CACNA2D3: variants seen among roughly 807,000 people sequenced by gnomAD.
The protein encoded by CACNA2D3 is calcium voltage-gated channel auxiliary subunit alpha2delta 3.
Under a neutral mutation model 160.6 loss-of-function variants are expected in CACNA2D3, and 60 were observed. The ratio of observed to expected loss-of-function variants is 0.37; its 90% CI spans 0.30 to 0.46. CACNA2D3 has a LOEUF of 0.46. Among genes scored for constraint, CACNA2D3 ranks in the 20% least tolerant of loss-of-function variants. CACNA2D3 has a pLI of 1.00. For missense variants in CACNA2D3, 1,205 were observed against 1,365.0 expected, an observed-to-expected ratio of 0.88 and a Z score of 1.85; for synonymous variants, 558 against 492.9, an observed-to-expected ratio of 1.13 and a Z score of -1.75.
At chr3:54,459,781 A>C (rs1383572148) in intron 4 of CACNA2D3, among the ~76,000 whole-genome samples, 2 of 152,096 alleles carry the variant, frequency 1.3e-5, no homozygotes, top group East Asian at 3.9e-4. Context: ...GTTTAATTGT[A>C]TCCCATTTGT....
chr3:54,521,436 G>C (rs1701644864), intron 5 of CACNA2D3, among the ~76,000 whole-genome samples: 1 of 97,692 alleles, frequency 1.0e-5, no homozygotes, highest in South Asian at 3.4e-4. Flanking sequence ...ATGTATTCCA[G>C]ATACAAGTCC....
chr3:55,033,588 A>ATATG (rs1703725091), intron 35 of CACNA2D3, among the ~76,000 whole-genome samples: 1 of 71,504 alleles, frequency 1.4e-5, no homozygotes, highest in South Asian at 3.7e-4. Context: ...GTGTGTGTAT[A>ATATG]TATATATATA....
rs1559521738 is a variant in CACNA2D3 at position 54,595,327 on chromosome 3, T to TGG, written c.963+13451_963+13452insGG. Among the ~76,000 whole-genome samples, 730 of 144,602 alleles carry TGG rather than the reference T, an allele frequency of 5.0e-3. 5 individuals are homozygous for TGG. In the Middle Eastern group the frequency reaches 0.056, roughly 11 times the overall value. 94.9% of individuals were successfully genotyped at this position (144,602 alleles called of 152,430 possible). On this transcript the variant is annotated intron_variant, in intron 9 of 37. Coordinates refer to ENST00000474759, the MANE Select transcript of CACNA2D3 (RefSeq NM_018398.3). Reference sequence around the variant, plus strand: ...TCTGTGTGTGTGGTGTGTGTGTGTGTGTGTGTGTGTGTGTGTGTGTGTGTG... The same window carrying TGG: ...TCTGTGTGTGTGGTGTGTGTGTGTGTGGGTGTGTGTGTGTGTGTGTGTGTGTG...
Position 54,183,414 on chromosome 3 carries a change from T to C in CACNA2D3, c.204+59820T>C, listed in dbSNP as rs184320962. Among the ~76,000 whole-genome samples, 50 of 152,116 alleles carry C rather than the reference T, an allele frequency of 3.3e-4. 1 individual carries two copies. The East Asian group carries it at 9.3e-3, about 28-fold the overall frequency. ...TGTGAAGAAGAGGTGACCTGTTTAG[T>C]GTCACATAGCTGATTGGTGGCAGGG... On this transcript the variant is annotated intron_variant, in intron 2 of 37. Transcript: ENST00000474759.
chr3:54,386,873 G>A (rs1575427366), intron 4 of CACNA2D3, 99 bp downstream of exon 4: 6 of 1,131,294 alleles, frequency 5.3e-6, no homozygotes, highest in East Asian at 5.1e-5. Flanking sequence ...TGATTGGGAG[G>A]GAGAGGCTTT....
intron 14 of CACNA2D3, among the ~76,000 whole-genome samples, chr3:54,828,241 T>G (rs1703786373): frequency 6.6e-6 from 1 of 152,204 alleles, no homozygotes; most frequent in Admixed American, 6.5e-5. Flanking sequence ...TATGAACATT[T>G]GGCCACCATG....
intron 3 of CACNA2D3, among the ~76,000 whole-genome samples, chr3:54,366,633 T>C (rs548621865): frequency 6.6e-6 from 1 of 152,124 alleles, no homozygotes; most frequent in African/African-American, 2.4e-5. Context: ...TAAAGTAGAG[T>C]AGGGTTTCTT....
intron 2 of CACNA2D3, among the ~76,000 whole-genome samples, chr3:54,315,399 A>G (rs548989483): frequency 2.0e-4 from 30 of 152,324 alleles, no homozygotes; most frequent in African/African-American, 6.7e-4. Context: ...TTAACTGCCA[A>G]TGTCTCCTGG....
chr3:54,229,003 CT>C (rs1332349144), intron 2 of CACNA2D3, among the ~76,000 whole-genome samples: 1 of 152,164 alleles, frequency 6.6e-6, no homozygotes, highest in African/African-American at 2.4e-5. Context: ...TCAGAGCTTC[CT>C]TTGTGCTGTA....
rs1699499161 is a variant in CACNA2D3 at position 54,122,736 on chromosome 3, G to T, written c.23G>T (p.Arg8Leu). The T allele has an allele frequency of 5.8e-6, 7 of 1,211,982 alleles. No individual in the cohort carries two copies. Among genetic ancestry groups the T allele is most frequent in the East Asian group, 3.3e-5 (1 of 29,936 alleles). The allele number at this position is 1,211,982 out of a possible 1,614,324, so 75.1% of individuals were successfully genotyped here. A position where few individuals can be genotyped will look rare whatever the true frequency, so the allele number is the denominator to read the frequency against. MAGPGSP[R>L]RASRGASALL... ...AGCATGGCCGGGCCGGGCTCGCCGC[G>T]CCGCGCGTCCCGGGGGGCCTCGGCG... is the stretch of plus-strand genomic sequence containing the variant. Residue 8 changes from arginine (R) to leucine (L), a missense_variant, in exon 1 of 38, where the codon CGC (arginine) becomes CTC (leucine). Transcript: ENST00000474759.
At chr3:55,049,753 T>G (rs1704145664) in intron 35 of CACNA2D3, among the ~76,000 whole-genome samples, 1 of 149,532 alleles carries the variant, frequency 6.7e-6, no homozygotes, top group Non-Finnish European at 1.5e-5. Flanking sequence ...TCTTTGTAGG[T>G]CACTGAGGAC....
chr3:54,595,009 C>T lies in CACNA2D3; in HGVS notation c.963+13132C>T, dbSNP rs541353227. On this transcript the variant is annotated intron_variant, in intron 9 of 37. Transcript: ENST00000474759. ...AGTTACCTTTCCGGCATGGTTCAACCCTATGTCATTCTTCTAAAGATTTGT... is the reference window on the plus strand; with the variant it reads ...AGTTACCTTTCCGGCATGGTTCAACTCTATGTCATTCTTCTAAAGATTTGT... Among the ~76,000 whole-genome samples, 7 of 152,296 alleles carry T rather than the reference C, an allele frequency of 4.6e-5. No individual in the cohort carries two copies. The South Asian group carries it at 1.5e-3, about 32-fold the overall frequency.
chr3:54,527,267 C>G (rs999434176), intron 5 of CACNA2D3, among the ~76,000 whole-genome samples: 2 of 152,060 alleles, frequency 1.3e-5, no homozygotes, highest in South Asian at 2.1e-4. Flanking sequence ...CCAGAGTGTC[C>G]TTAGGCTTGA....
chr3:54,536,544 A>G (rs1027479021), intron 5 of CACNA2D3, among the ~76,000 whole-genome samples: 1 of 152,226 alleles, frequency 6.6e-6, no homozygotes, highest in Non-Finnish European at 1.5e-5. Flanking sequence ...AGTAATGGGC[A>G]AATGTGTTCT....
intron 37 of CACNA2D3, 116 bp from the exon 38 acceptor site, chr3:55,073,998 C>CATCT: frequency 9.2e-7 from 1 of 1,089,960 alleles, no homozygotes; most frequent in Non-Finnish European, 1.4e-6. Flanking sequence ...TCTGCACCAT[C>CATCT]ATCTAGGTCC....
At chr3:54,597,749 T>C (rs76482536) in intron 9 of CACNA2D3, among the ~76,000 whole-genome samples, 13,370 of 152,236 alleles carry the variant, frequency 0.088, 714 homozygotes, top group South Asian at 0.21. Context: ...TCTAGGGTTT[T>C]GCTATGTTAT....
chr3:55,025,907 T>C (rs1342769945), intron 35 of CACNA2D3, among the ~76,000 whole-genome samples: 1 of 151,860 alleles, frequency 6.6e-6, no homozygotes, highest in African/African-American at 2.4e-5. Flanking sequence ...CCCGGGAGTC[T>C]GGGTGGGGAC....
chr3:54,928,061 G>A, intron 27 of CACNA2D3: 1 of 709,518 alleles, frequency 1.4e-6, no homozygotes, highest in Non-Finnish European at 2.5e-6. Flanking sequence ...GCAGAAAACA[G>A]TTGTTGCTTT....
intron 13 of CACNA2D3, among the ~76,000 whole-genome samples, chr3:54,792,151 A>C (rs61694053): frequency 0.015 from 2,240 of 152,290 alleles, 56 homozygotes; most frequent in African/African-American, 0.051. Flanking sequence ...TTTTCCCAGA[A>C]CATGGCAGGT....
Sources: allele counts gnomAD v4.1 joint callset (sites outside exome capture counted in the v4.1 genomes callset), GRCh38; gene constraint gnomAD v4.1.1; transcripts MANE v1.5; gene names NCBI Gene and HGNC (gene_info 2026-07-23, HGNC 2026-07-21).